Variants in FBXW10B observed in about 807,000 individuals in gnomAD.
The protein encoded by FBXW10B is F-box and WD repeat domain containing protein 10B.
the FBXW10B span, chr17:15,566,198 C>G: frequency 1.2e-6 from 2 of 1,612,356 alleles, no homozygotes; most frequent in South Asian, 1.1e-5. Context: ...CAGGGATAGG[C>G]AAATTCCCCG....
At chr17:15,615,595 G>T in the FBXW10B span, 1 of 1,609,398 alleles carries the variant, frequency 6.2e-7, no homozygotes, top group Admixed American at 1.7e-5. Flanking sequence ...TTACAGGCGT[G>T]AGCCACCGCA....
the FBXW10B span, chr17:15,615,917 A>G: frequency 2.0e-6 from 3 of 1,469,784 alleles, no homozygotes; most frequent in East Asian, 4.9e-5. Context: ...AAAGATGTAC[A>G]GAATGGACCA....
At chr17:15,589,377 C>G in the FBXW10B span, 47 of 890,080 alleles carry the variant, frequency 5.3e-5, no homozygotes, top group African/African-American at 7.8e-4. Context: ...GTACCTGAAG[C>G]TATGATGAAA....
chr17:15,571,715 T>A, the FBXW10B span: 2 of 152,236 alleles, frequency 1.3e-5, no homozygotes, highest in Non-Finnish European at 2.9e-5. Context: ...TTAGCTTAAA[T>A]ATCACTAAAG....
chr17:15,619,091 A>T, the FBXW10B span: 3 of 1,613,972 alleles, frequency 1.9e-6, no homozygotes, highest in Non-Finnish European at 2.5e-6. Flanking sequence ...GCACATCTGC[A>T]GCAGTAAGAG....
chr17:15,578,865 G>C, the FBXW10B span, among the ~76,000 whole-genome samples: 1 of 152,154 alleles, frequency 6.6e-6, no homozygotes, highest in Non-Finnish European at 1.5e-5. Context: ...GGTCAGCAAT[G>C]AGGGAGATTC....
At chr17:15,584,722 C>T in the FBXW10B span, among the ~76,000 whole-genome samples, 1 of 152,296 alleles carries the variant, frequency 6.6e-6, no homozygotes, top group East Asian at 1.9e-4. Flanking sequence ...TTTTCGTTTG[C>T]ATGGCTTGTC....
At chr17:15,619,160 A>G in the FBXW10B span, 1 of 1,613,954 alleles carries the variant, frequency 6.2e-7, no homozygotes, top group Non-Finnish European at 8.5e-7. Context: ...GATCTCTTTC[A>G]TCTTCTGTTC....
chr17:15,567,814 A>C, the FBXW10B span, among the ~76,000 whole-genome samples: 1 of 152,246 alleles, frequency 6.6e-6, no homozygotes, highest in Non-Finnish European at 1.5e-5. Flanking sequence ...ACTATAGAGA[A>C]TTATAGAGTT....
the FBXW10B span, among the ~76,000 whole-genome samples, chr17:15,602,083 G>C: frequency 6.7e-6 from 1 of 149,968 alleles, no homozygotes; most frequent in Non-Finnish European, 1.5e-5. Flanking sequence ...CTGCACTCTA[G>C]CCTGGGCGAG....
the FBXW10B span, among the ~76,000 whole-genome samples, chr17:15,601,336 G>A: frequency 2.0e-5 from 3 of 148,268 alleles, no homozygotes; most frequent in South Asian, 2.1e-4. Context: ...GTGAACCCAG[G>A]AGGCGGAGCT....
the FBXW10B span, among the ~76,000 whole-genome samples, chr17:15,597,650 A>T: frequency 6.6e-6 from 1 of 152,134 alleles, no homozygotes; most frequent in African/African-American, 2.4e-5. Flanking sequence ...ATAAAAATAA[A>T]AAAGGAAGAT....
chr17:15,588,867 G>C, the FBXW10B span: 1 of 1,614,192 alleles, frequency 6.2e-7, no homozygotes, highest in Non-Finnish European at 8.5e-7. Flanking sequence ...TGCTAGCTGT[G>C]TCCTTTGCCA....
the FBXW10B span, among the ~76,000 whole-genome samples, chr17:15,616,702 A>G: frequency 1.1e-4 from 17 of 151,258 alleles, no homozygotes; most frequent in East Asian, 8.0e-4. Context: ...CCAGCTACTC[A>G]GGAGGCTGAG....
chr17:15,591,875 A>G, the FBXW10B span, among the ~76,000 whole-genome samples: 1 of 152,154 alleles, frequency 6.6e-6, no homozygotes, highest in Non-Finnish European at 1.5e-5. Context: ...AGATGTAGAC[A>G]GAACATCTAT....
chr17:15,573,069 T>A, the FBXW10B span: 1 of 152,288 alleles, frequency 6.6e-6, no homozygotes, highest in Non-Finnish European at 1.5e-5. Flanking sequence ...TCAGGCTGGC[T>A]ACCATTGCCT....
At chr17:15,593,210 T>C in the FBXW10B span, 209 of 1,484,958 alleles carry the variant, frequency 1.4e-4, no homozygotes, top group African/African-American at 2.4e-3. Context: ...CCAGCCAAAA[T>C]TGTAGAGAGG....
the FBXW10B span, chr17:15,612,998 A>G: frequency 3.2e-6 from 1 of 311,406 alleles, no homozygotes; most frequent in Non-Finnish European, 4.7e-6. Context: ...TGCAGATCGA[A>G]TGGAGGAGAA....
the FBXW10B span, among the ~76,000 whole-genome samples, chr17:15,586,364 G>A: frequency 1.8e-4 from 27 of 151,370 alleles, no homozygotes; most frequent in East Asian, 4.8e-3. Flanking sequence ...CCATCCAAGC[G>A]TTAGCATAAA....
Sources: allele counts gnomAD v4.1 joint callset (sites outside exome capture counted in the v4.1 genomes callset), GRCh38; gene constraint gnomAD v4.1.1; transcripts MANE v1.5; gene names NCBI Gene and HGNC (gene_info 2026-07-23, HGNC 2026-07-21).